The following ENOX1 variants were observed in gnomAD, a reference collection of about 807,000 sequenced individuals.
ENOX1 encodes the protein candidate growth-related and time keeping constitutive hydroquinone (NADH) oxidase.
ENOX1 carries 42 observed loss-of-function variants against 82.5 expected under a neutral mutation model. That is an observed-to-expected ratio of 0.51 (90% confidence interval 0.40 to 0.66). The LOEUF (loss-of-function observed/expected upper bound fraction) is 0.66. ENOX1 is among the 30% of genes least tolerant of loss of function. The pLI, the probability that ENOX1 is intolerant of heterozygous loss-of-function variation, is 0.00. For missense variants in ENOX1, 608 were observed against 811.6 expected, an observed-to-expected ratio of 0.75 and a Z score of 3.05; for synonymous variants, 271 against 282.2, an observed-to-expected ratio of 0.96 and a Z score of 0.40.
chr13:43,535,471 C>T (rs902333793), intron 2 of ENOX1, among the ~76,000 whole-genome samples: 2 of 152,128 alleles, frequency 1.3e-5, no homozygotes, highest in East Asian at 1.9e-4. Flanking sequence ...GTACCTCTCC[C>T]CCCATCGTTA....
chr13:43,628,898 G>T (rs746903448), intron 2 of ENOX1, among the ~76,000 whole-genome samples: 11 of 152,126 alleles, frequency 7.2e-5, no homozygotes, highest in Non-Finnish European at 1.5e-5. Flanking sequence ...TCTCTCTGTG[G>T]CCTCCTCAGA....
chr13:43,515,138 G>C (rs1037490775), intron 2 of ENOX1, among the ~76,000 whole-genome samples: 3 of 152,110 alleles, frequency 2.0e-5, no homozygotes, highest in Non-Finnish European at 4.4e-5. Flanking sequence ...GGCAGAGGTG[G>C]GACCAAAACA....
chr13:43,597,831 A>G (rs187181076), intron 2 of ENOX1, among the ~76,000 whole-genome samples: 141 of 152,212 alleles, frequency 9.3e-4, no homozygotes, highest in African/African-American at 3.3e-3. Context: ...TCTGGCCCAC[A>G]GTCTTCTCTA....
chr13:43,359,273 C>T (rs920928186), intron 7 of ENOX1, among the ~76,000 whole-genome samples: 2 of 152,222 alleles, frequency 1.3e-5, no homozygotes, highest in African/African-American at 4.8e-5. Context: ...CGGACAGACT[C>T]CATTCACTTG....
intron 7 of ENOX1, among the ~76,000 whole-genome samples, chr13:43,357,942 C>T (rs1327698419): frequency 6.6e-6 from 1 of 152,152 alleles, no homozygotes; most frequent in Non-Finnish European, 1.5e-5. Flanking sequence ...ACTGACGCTG[C>T]AGCCTCTCAA....
intron 3 of ENOX1, among the ~76,000 whole-genome samples, chr13:43,449,568 A>C (rs1594676391): frequency 6.6e-6 from 1 of 152,366 alleles, no homozygotes; most frequent in Admixed American, 6.5e-5. Flanking sequence ...TAATTTCTTA[A>C]TAAAATTGTA....
At position 43,483,977 on chromosome 13, in the gene ENOX1, T is replaced by C. The variant is rs1231510997; in HGVS notation, c.-75+32A>G. ...AAAATATCCCTCAAACTTAGTATCT[T>C]CAGTAAGAAAAATGAAAAAATTAAC... is the stretch of plus-strand genomic sequence containing the variant. On this transcript the variant is annotated intron_variant, in intron 3 of 16. Coordinates refer to ENST00000690772, the MANE Select transcript of ENOX1 (RefSeq NM_001347969.2). The C allele has an allele frequency of 3.0e-6, 3 of 984,372 alleles. No homozygotes were observed. The African/African-American group carries it at 5.2e-5, about 17-fold the overall frequency. The allele number at this position is 984,372 out of a possible 1,614,324, so 61.0% of individuals were successfully genotyped here.
At chr13:43,239,855 G>C (rs944924097) in intron 14 of ENOX1, among the ~76,000 whole-genome samples, 5 of 152,150 alleles carry the variant, frequency 3.3e-5, no homozygotes, top group Non-Finnish European at 7.4e-5. Context: ...GGAGAGTTTT[G>C]TTTTAATGAC....
chr13:43,487,205 G>A (rs2076458512), intron 2 of ENOX1, among the ~76,000 whole-genome samples: 1 of 151,764 alleles, frequency 6.6e-6, no homozygotes, highest in Admixed American at 6.6e-5. Context: ...AATATTAGTA[G>A]TATTGTTGTA....
At chr13:43,444,858 C>G (rs1449115897) in intron 3 of ENOX1, among the ~76,000 whole-genome samples, 1 of 152,144 alleles carries the variant, frequency 6.6e-6, no homozygotes, top group Non-Finnish European at 1.5e-5. Flanking sequence ...TTTGTTGGAT[C>G]CACGTGCCAC....
At chr13:43,551,328 TG>T (rs1356885509) in intron 2 of ENOX1, among the ~76,000 whole-genome samples, 1 of 152,170 alleles carries the variant, frequency 6.6e-6, no homozygotes, top group African/African-American at 2.4e-5. Context: ...TCACATCTAT[TG>T]ACTTGTATAT....
chr13:43,601,784 A>G (rs1049172584), intron 2 of ENOX1, among the ~76,000 whole-genome samples: 16 of 152,220 alleles, frequency 1.1e-4, no homozygotes, highest in Admixed American at 8.5e-4. Flanking sequence ...AGGGATAAGG[A>G]AAGGATTCTA....
At chr13:43,537,261 T>C (rs979035524) in intron 2 of ENOX1, among the ~76,000 whole-genome samples, 3 of 152,122 alleles carry the variant, frequency 2.0e-5, no homozygotes, top group Non-Finnish European at 2.9e-5. Context: ...TCTGTCACCA[T>C]GGACGGGTTA....
intron 5 of ENOX1, among the ~76,000 whole-genome samples, chr13:43,396,676 C>T (rs1004802777): frequency 3.9e-5 from 6 of 152,178 alleles, no homozygotes; most frequent in Admixed American, 1.3e-4. Context: ...CCACCAGTCC[C>T]GGCCAAGATT....
chr13:43,519,506 C>T (rs953339852), intron 2 of ENOX1, among the ~76,000 whole-genome samples: 3 of 152,126 alleles, frequency 2.0e-5, no homozygotes, highest in African/African-American at 7.2e-5. Context: ...TCTCAATAAC[C>T]AAAATGACTT....
chr13:43,613,648 C>G (rs1054056410), intron 2 of ENOX1, among the ~76,000 whole-genome samples: 1 of 151,970 alleles, frequency 6.6e-6, no homozygotes, highest in African/African-American at 2.4e-5. Context: ...AAATTATATG[C>G]CAACAAATTA....
intron 16 of ENOX1, among the ~76,000 whole-genome samples, chr13:43,223,464 A>G (rs987727010): frequency 4.6e-5 from 7 of 152,262 alleles, no homozygotes; most frequent in African/African-American, 1.7e-4. Context: ...GTAGGAGTAC[A>G]GCTAATTTGT....
Position 43,600,867 on chromosome 13 carries a change from G to A in ENOX1, c.-219+66612C>T, listed in dbSNP as rs561004118. Among the ~76,000 whole-genome samples, 409 of 152,284 alleles carry A rather than the reference G, an allele frequency of 2.7e-3. 1 individual carries two copies. Among genetic ancestry groups the A allele is most frequent in the Admixed American group, 4.5e-3 (69 of 15,298 alleles). On this transcript the variant is annotated intron_variant, in intron 2 of 16. Coordinates refer to ENST00000690772, the MANE Select transcript of ENOX1 (RefSeq NM_001347969.2). ...TTGTCTGGGAGAAAGTAAGGGAAGAGAAGAAGAGTCTCTGCCTGGTAATCC... is the reference window on the plus strand; with the variant it reads ...TTGTCTGGGAGAAAGTAAGGGAAGAAAAGAAGAGTCTCTGCCTGGTAATCC...
At chr13:43,640,541 C>A (rs1487940068) in intron 2 of ENOX1, among the ~76,000 whole-genome samples, 1 of 152,136 alleles carries the variant, frequency 6.6e-6, no homozygotes, top group Non-Finnish European at 1.5e-5. Context: ...AGGCTCACAA[C>A]AATAGGCCAA....
Sources: gnomAD v4.1 joint callset for allele counts (sites outside exome capture counted in the v4.1 genomes callset) on GRCh38, gnomAD v4.1.1 for gene constraint, MANE v1.5 for transcripts, NCBI Gene and HGNC (gene_info 2026-07-23, HGNC 2026-07-21) for gene names.